Variants in ARHGEF38 observed in about 807,000 individuals in gnomAD.
The protein encoded by ARHGEF38 is Rho guanine nucleotide exchange factor 38.
A neutral mutation model predicts 79.9 loss-of-function variants in ARHGEF38; 79 were observed. That is an observed-to-expected ratio of 0.99 (90% confidence interval 0.82 to 1.19). The LOEUF (loss-of-function observed/expected upper bound fraction) is 1.19. ARHGEF38 is among the 50% of genes most tolerant of loss of function. The pLI is 0.00. For missense variants in ARHGEF38, 962 were observed against 907.2 expected (o/e 1.06, Z -0.78); for synonymous variants, 366 against 328.3 (o/e 1.11, Z -1.24).
intron 1 of ARHGEF38, among the ~76,000 whole-genome samples, chr4:105,561,231 A>G (rs1725507996): frequency 6.6e-6 from 1 of 151,564 alleles, no homozygotes; most frequent in Admixed American, 6.6e-5. Context: ...CTACTAAGAA[A>G]ACAAAACAAA....
chr4:105,558,959 T>C (rs997644067), intron 1 of ARHGEF38, among the ~76,000 whole-genome samples: 1 of 151,070 alleles, frequency 6.6e-6, no homozygotes, highest in Non-Finnish European at 1.5e-5. Context: ...AATAGAAATA[T>C]ACCTTAAAAT....
In ARHGEF38 at chr4:105,659,341, G is replaced by A. The variant is rs759649032; in HGVS notation, c.1521G>A (p.Gln507=). The change falls in exon 10 of 14, where the codon CAG becomes CAA. Residue 507 remains glutamine, a synonymous_variant. Transcript: ENST00000420470. ...TLLRDLMLVA[Q]QAYSTLVPMP... ...TTAGGGACCTGATGCTCGTGGCACA[G>A]CAGGCTTACTCCACACTTGTGCCGG... 9 of 1,535,144 alleles carry A rather than the reference G, an allele frequency of 5.9e-6. No individual in the cohort carries two copies. In the South Asian group the frequency reaches 9.5e-5, roughly 16 times the overall value.
chr4:105,573,749 T>A (rs1192748795), intron 1 of ARHGEF38, among the ~76,000 whole-genome samples: 1 of 150,934 alleles, frequency 6.6e-6, no homozygotes, highest in African/African-American at 2.5e-5. Flanking sequence ...TTTTTTTTTT[T>A]ATTTCTACAA....
Position 105,561,444 on chromosome 4 carries a change from A to AATGGAATG in ARHGEF38, c.196+8483_196+8484insATGGAATG, listed in dbSNP as rs1560684446. The AATGGAATG allele has an allele frequency of 1.4e-3, 58 of 42,902 alleles. 1 individual carries two copies. Among genetic ancestry groups the AATGGAATG allele is most frequent in the Admixed American group, 1.8e-3 (6 of 3,342 alleles). The allele number at this position is 42,902 out of a possible 1,614,324, so 2.7% of individuals were successfully genotyped here. A position where few individuals can be genotyped will look rare whatever the true frequency, so the allele number is the denominator to read the frequency against. On this transcript the variant is annotated intron_variant, in intron 1 of 13. Coordinates refer to ENST00000420470, the MANE Select transcript of ARHGEF38 (RefSeq NM_001242729.2). ...AGAATGGAATAGAATAGAATAGAATAGAATGGAATAGAATAGAATAGAATA... is the reference window on the plus strand; with the variant it reads ...AGAATGGAATAGAATAGAATAGAATAATGGAATGGAATGGAATAGAATAGAATAGAATA...
At chr4:105,602,154 G>A (rs1727851671) in intron 2 of ARHGEF38, among the ~76,000 whole-genome samples, 1 of 152,172 alleles carries the variant, frequency 6.6e-6, no homozygotes, top group South Asian at 2.1e-4. Flanking sequence ...CAGGAGAGCA[G>A]CCCAGCAGTG....
intron 10 of ARHGEF38, among the ~76,000 whole-genome samples, chr4:105,661,160 T>A (rs1391097830): frequency 6.6e-6 from 1 of 152,148 alleles, no homozygotes; most frequent in Non-Finnish European, 1.5e-5. Context: ...GTTTCATTAT[T>A]TCATTCATTT....
Position 105,667,576 on chromosome 4 carries a change from C to A in ARHGEF38, c.2021C>A (p.Ala674Asp). 3.3e-6 allele frequency: 5 copies of A among 1,536,700 alleles called. No individual in the cohort carries two copies. The highest frequency in any genetic ancestry group is 4.4e-6 in the Non-Finnish European group (5 of 1,147,034). The change falls in exon 13 of 14, where the codon GCT becomes GAT. Residue 674 changes from alanine to aspartate, a missense_variant. Ala to Asp is a moderately radical substitution (Grantham distance 126). Coordinates refer to ENST00000420470, the MANE Select transcript of ARHGEF38 (RefSeq NM_001242729.2). ...NISLFVSSRP[A>D]SDSVTGTSES... ...AGCCTCTTCGTGTCTTCACGGCCAG[C>A]TAGTGACAGTGTCACAGGCACCTCA...
chr4:105,584,883 C>T (rs891496183), intron 1 of ARHGEF38, among the ~76,000 whole-genome samples: 3 of 152,160 alleles, frequency 2.0e-5, no homozygotes, highest in African/African-American at 4.8e-5. Context: ...TCCCCCAACA[C>T]CCCTTTGCCT....
intron 9 of ARHGEF38, among the ~76,000 whole-genome samples, chr4:105,658,013 A>G (rs1730407439): frequency 6.6e-6 from 1 of 152,224 alleles, no homozygotes; most frequent in Non-Finnish European, 1.5e-5. Flanking sequence ...CAGAAGAGAA[A>G]TAGAAGAAAT....
chr4:105,582,522 C>A (rs1166997659), intron 1 of ARHGEF38, among the ~76,000 whole-genome samples: 13 of 152,066 alleles, frequency 8.5e-5, no homozygotes, highest in African/African-American at 3.1e-4. Flanking sequence ...TTTTGGTTCT[C>A]TATTAATTCC....
chr4:105,677,271 T>G (rs996141872), intron 13 of ARHGEF38, among the ~76,000 whole-genome samples: 2 of 152,148 alleles, frequency 1.3e-5, no homozygotes, highest in Admixed American at 1.3e-4. Context: ...CCTGCACCGT[T>G]TTTAATGACT....
intron 2 of ARHGEF38, among the ~76,000 whole-genome samples, chr4:105,603,778 C>A (rs912874220): frequency 1.8e-4 from 28 of 152,102 alleles, no homozygotes; most frequent in African/African-American, 6.5e-4. Context: ...CAGATTCATC[C>A]CAACATAGCC....
intron 3 of ARHGEF38, among the ~76,000 whole-genome samples, chr4:105,623,641 A>G (rs1728828021): frequency 6.6e-6 from 1 of 152,226 alleles, no homozygotes; most frequent in African/African-American, 2.4e-5. Context: ...TCAGGAAGAC[A>G]TCGTGAGCTA....
At position 105,648,687 on chromosome 4, in the gene ARHGEF38, T is replaced by C. The variant is rs1729958491; in HGVS notation, c.1008+5T>C. 2 of 1,504,472 alleles carry C rather than the reference T, an allele frequency of 1.3e-6. No homozygotes were observed. The highest frequency in any genetic ancestry group is 2.8e-5 in the African/African-American group (2 of 71,414). 93.2% of individuals were successfully genotyped at this position (1,504,472 alleles called of 1,614,324 possible). A position where few individuals can be genotyped will look rare whatever the true frequency, so the allele number is the denominator to read the frequency against. ...CTGACCAGAGGAGAATCACAGGTAA[T>C]TTTTCTTCTTGGACCACCCACCTTT... On this transcript the variant is annotated splice_donor_5th_base_variant and intron_variant, in intron 7 of 13. Coordinates refer to ENST00000420470, the MANE Select transcript of ARHGEF38 (RefSeq NM_001242729.2).
chr4:105,666,772 T>C (rs1417330121), intron 11 of ARHGEF38, among the ~76,000 whole-genome samples: 3 of 152,200 alleles, frequency 2.0e-5, no homozygotes, highest in Admixed American at 1.3e-4. Context: ...GATAAAGACA[T>C]GTACATGTAC....
chr4:105,556,789 C>A (rs1725271781), intron 1 of ARHGEF38, among the ~76,000 whole-genome samples: 1 of 152,120 alleles, frequency 6.6e-6, no homozygotes, highest in Non-Finnish European at 1.5e-5. Flanking sequence ...TGAAGAAAGA[C>A]ACCATGGCCT....
chr4:105,589,346 A>G lies in ARHGEF38; in HGVS notation c.295A>G (p.Ile99Val), dbSNP rs1397827159. 1.9e-6 allele frequency: 3 copies of G among 1,614,066 alleles called. No homozygotes were observed. The African/African-American group carries it at 4.0e-5, about 22-fold the overall frequency. The change falls in exon 2 of 14, where the codon ATT becomes GTT. Residue 99 changes from isoleucine to valine, a missense_variant. By Grantham distance (29) the Ile-to-Val change is conservative. Transcript: ENST00000420470. ...GATGATGGCAAAGCGGGAAAAGATC[A>G]TTAAGGAGCTGATACAGACAGAAAA... ...KRMMAKREKI[I>V]KELIQTEKDY...
downstream of ARHGEF38, among the ~76,000 whole-genome samples, chr4:105,682,112 C>T (rs987969690): frequency 6.6e-6 from 1 of 151,890 alleles, no homozygotes; most frequent in Non-Finnish European, 1.5e-5. Flanking sequence ...TATTAAGCAC[C>T]AGGAGAGTTC....
intron 13 of ARHGEF38, among the ~76,000 whole-genome samples, chr4:105,669,658 A>T (rs1730893812): frequency 6.6e-6 from 1 of 151,996 alleles, no homozygotes; most frequent in Non-Finnish European, 1.5e-5. Context: ...TTTTAAGTGT[A>T]CAATCATGAC....
Sources: gnomAD v4.1 joint callset for allele counts (sites outside exome capture counted in the v4.1 genomes callset) on GRCh38, gnomAD v4.1.1 for gene constraint, MANE v1.5 for transcripts, NCBI Gene and HGNC (gene_info 2026-07-23, HGNC 2026-07-21) for gene names.